Variants in LUC7L2 observed in about 807,000 individuals in gnomAD.
The protein encoded by LUC7L2 is LUC7 like 2, pre-mRNA splicing factor.
In LUC7L2, 25 loss-of-function variants were observed where a neutral mutation model predicts 52.8. The observed-to-expected ratio is 0.47, with a 90% CI of 0.34 to 0.66. LUC7L2 has a LOEUF of 0.66. LUC7L2 is among the 30% of genes least tolerant of loss of function. The pLI, the probability that LUC7L2 is intolerant of heterozygous loss-of-function variation, is 0.01. For missense variants in LUC7L2, 328 were observed against 497.8 expected (o/e 0.66, Z 3.25); for synonymous variants, 144 against 160.9 (o/e 0.89, Z 0.80).
intron 2 of LUC7L2, among the ~76,000 whole-genome samples, chr7:139,388,571 A>G (rs180762098): frequency 4.6e-5 from 7 of 151,644 alleles, no homozygotes; most frequent in East Asian, 1.9e-4. Context: ...AGCTGTAACT[A>G]TGGGGAGGAA....
intron 1 of LUC7L2, chr7:139,344,927 A>T (rs1193597379): frequency 6.8e-6 from 1 of 147,470 alleles, no homozygotes; most frequent in Non-Finnish European, 1.5e-5. Context: ...GTTAGCCAGG[A>T]TGGTCTCGAT....
chr7:139,407,823 A>G (rs1038749405), intron 6 of LUC7L2, among the ~76,000 whole-genome samples: 13 of 119,426 alleles, frequency 1.1e-4, no homozygotes, highest in African/African-American at 7.8e-4. Flanking sequence ...GAAAAAATTT[A>G]TATTTTTTTA....
chr7:139,391,995 C>A (rs1278728282), intron 2 of LUC7L2, among the ~76,000 whole-genome samples: 2 of 152,148 alleles, frequency 1.3e-5, no homozygotes, highest in Non-Finnish European at 2.9e-5. Flanking sequence ...TTTGTAAATT[C>A]CAAAATTCGT....
At chr7:139,364,693 C>T (rs1418457559) in intron 1 of LUC7L2, among the ~76,000 whole-genome samples, 1 of 152,178 alleles carries the variant, frequency 6.6e-6, no homozygotes, top group African/African-American at 2.4e-5. Flanking sequence ...TAGTACATAA[C>T]CGTGTAATCT....
At position 139,383,564 on chromosome 7, in the gene LUC7L2, G is replaced by A. The variant is rs573935621; in HGVS notation, c.156+7408G>A. Among the ~76,000 whole-genome samples, 4 of 144,974 alleles carry A rather than the reference G, an allele frequency of 2.8e-5. No homozygotes were observed. In the South Asian group the frequency reaches 8.8e-4, roughly 32 times the overall value. On this transcript the variant is annotated intron_variant, in intron 2 of 9. Coordinates refer to ENST00000354926, the MANE Select transcript of LUC7L2 (RefSeq NM_016019.5). ...GTAGCTGGGATTAGAGGTGCTGCAC[G>A]CCACCATGCCTGGCTAATTGTTTGT...
intron 9 of LUC7L2, 21 bp from the exon 10 acceptor site, chr7:139,422,142 C>A: frequency 6.3e-7 from 1 of 1,581,796 alleles, no homozygotes; most frequent in Non-Finnish European, 8.6e-7. Flanking sequence ...ATATTTTGCT[C>A]CTCAAATTAA....
chr7:139,422,385 A>G lies in LUC7L2; in HGVS notation c.*45A>G, dbSNP rs2116366590. ...CAGTCCTTAAGCTTCCTACGGAGTT[A>G]CGTACTATTGTTTAGTTCACAGCTG... On this transcript the variant is annotated 3_prime_UTR_variant, in exon 10 of 10. Coordinates refer to ENST00000354926, the MANE Select transcript of LUC7L2 (RefSeq NM_016019.5). 6.4e-7 allele frequency: 1 copy of G among 1,569,370 alleles called. No individual in the cohort carries two copies. The highest frequency in any genetic ancestry group is 8.6e-7 in the Non-Finnish European group (1 of 1,160,696).
upstream of LUC7L2, among the ~76,000 whole-genome samples, chr7:139,358,461 C>A (rs1799689611): frequency 1.4e-5 from 2 of 147,680 alleles, no homozygotes; most frequent in Admixed American, 6.7e-5. Flanking sequence ...TGCCTGTCTT[C>A]TTAAACATTT....
At position 139,381,442 on chromosome 7, in the gene LUC7L2, C is replaced by T. The variant is rs150681057; in HGVS notation, c.156+5286C>T. Among the ~76,000 whole-genome samples the T allele has an allele frequency of 6.9e-4, 104 of 150,482 alleles. 1 individual carries two copies. The East Asian group carries it at 0.017, about 24-fold the overall frequency. On this transcript the variant is annotated intron_variant, in intron 2 of 9. Transcript: ENST00000354926. Reference sequence around the variant, plus strand: ...ATTTTATTTCATTGAGACAGGGTCACACTCTTGGCCAGGCTGGAGTGCAGT... The same window carrying T: ...ATTTTATTTCATTGAGACAGGGTCATACTCTTGGCCAGGCTGGAGTGCAGT...
intron 2 of LUC7L2, among the ~76,000 whole-genome samples, chr7:139,387,781 T>C (rs991818551): frequency 3.3e-5 from 5 of 152,172 alleles, no homozygotes; most frequent in African/African-American, 1.2e-4. Context: ...AGACAGAATC[T>C]TGCTGTGTCA....
chr7:139,370,226 C>T (rs1373859918), intron 1 of LUC7L2, among the ~76,000 whole-genome samples: 1 of 152,054 alleles, frequency 6.6e-6, no homozygotes, highest in Non-Finnish European at 1.5e-5. Flanking sequence ...AACAGGGGAA[C>T]ATGTAGCAAG....
chr7:139,410,623 T>C (rs1795320937), intron 7 of LUC7L2, among the ~76,000 whole-genome samples: 1 of 152,338 alleles, frequency 6.6e-6, no homozygotes, highest in South Asian at 2.1e-4. Context: ...TGGACAGTTA[T>C]ATCACAAATG....
chr7:139,367,266 C>T (rs988555833), intron 1 of LUC7L2, among the ~76,000 whole-genome samples: 2 of 152,194 alleles, frequency 1.3e-5, no homozygotes, highest in African/African-American at 4.8e-5. Flanking sequence ...ACCACCATGC[C>T]TGGCCTTGCC....
In LUC7L2 at chr7:139,340,845, A is replaced by T. The variant is rs559163975; in HGVS notation, c.-26+328A>T. Among the ~76,000 whole-genome samples, 1,269 of 143,766 alleles carry T rather than the reference A, an allele frequency of 8.8e-3. 23 individuals are homozygous for T. The highest frequency in any genetic ancestry group is 0.031 in the African/African-American group (1,213 of 39,188). 94.3% of individuals were successfully genotyped at this position (143,766 alleles called of 152,430 possible). On this transcript the variant is annotated intron_variant, in intron 1 of 10. Transcript: ENST00000541170. Reference sequence around the variant, plus strand: ...TGCCAACTTTACTTTTTTTTTTTTTAAATGGGAAGTGTGTGTGTGTTTTTA... The same window carrying T: ...TGCCAACTTTACTTTTTTTTTTTTTTAATGGGAAGTGTGTGTGTGTTTTTA...
chr7:139,409,548 A>C lies in LUC7L2; in HGVS notation c.688-15A>C, dbSNP rs1158822622. 2 of 1,597,324 alleles carry C rather than the reference A, an allele frequency of 1.3e-6. No homozygotes were observed. The highest frequency in any genetic ancestry group is 1.7e-6 in the Non-Finnish European group (2 of 1,171,930). On this transcript the variant is annotated splice_polypyrimidine_tract_variant and intron_variant, in intron 6 of 9. Coordinates refer to ENST00000354926, the MANE Select transcript of LUC7L2 (RefSeq NM_016019.5). ...GACTCAGTAAATATTCTCCTCATTT[A>C]TTACTGTTTTTAAGAGAGTCGTAGC...
chr7:139,363,007 A>G (rs1799963649), intron 1 of LUC7L2, among the ~76,000 whole-genome samples: 1 of 152,146 alleles, frequency 6.6e-6, no homozygotes, highest in South Asian at 2.1e-4. Flanking sequence ...GCACTTCAAG[A>G]AAGGACATTC....
intron 5 of LUC7L2, 32 bp downstream of exon 5, chr7:139,405,819 C>A: frequency 6.4e-7 from 1 of 1,561,474 alleles, no homozygotes; most frequent in Non-Finnish European, 8.6e-7. Flanking sequence ...ACGAATTCTG[C>A]TTAATTTGGT....
chr7:139,381,314 G>T (rs958218946), intron 2 of LUC7L2, among the ~76,000 whole-genome samples: 4 of 151,918 alleles, frequency 2.6e-5, no homozygotes, highest in Admixed American at 2.0e-4. Flanking sequence ...AAGGATTTAG[G>T]AGTAGGCTAG....
intron 2 of LUC7L2, among the ~76,000 whole-genome samples, chr7:139,394,222 C>G (rs1476190025): frequency 6.6e-6 from 1 of 152,210 alleles, no homozygotes; most frequent in Non-Finnish European, 1.5e-5. Flanking sequence ...ATAAGCCGCC[C>G]TGTGCCAAAT....
Sources: gnomAD v4.1 joint callset for allele counts (sites outside exome capture counted in the v4.1 genomes callset) on GRCh38, gnomAD v4.1.1 for gene constraint, MANE v1.5 for transcripts, NCBI Gene and HGNC (gene_info 2026-07-23, HGNC 2026-07-21) for gene names.